Variants in CDH23 observed in about 807,000 individuals in gnomAD.
CDH23 encodes the protein cadherin related 23.
CDH23 carries 189 observed loss-of-function variants against 317.1 expected under a neutral mutation model. The ratio of observed to expected loss-of-function variants is 0.60; its 90% CI spans 0.53 to 0.67. The LOEUF is 0.67. Among genes scored for constraint, CDH23 ranks in the 30% least tolerant of loss-of-function variants. The probability of loss-of-function intolerance (pLI) is 0.00; values close to 1 mark genes in which losing one functional copy is unlikely to be tolerated. For missense variants in CDH23, 4,401 were observed against 4,592.4 expected (o/e 0.96, Z 1.20); for synonymous variants, 1,839 against 1,876.8 (o/e 0.98, Z 0.52).
At chr10:71,572,978 G>A (rs866833571) in intron 8 of CDH23, among the ~76,000 whole-genome samples, 1 of 152,186 alleles carries the variant, frequency 6.6e-6, no homozygotes, top group Non-Finnish European at 1.5e-5. Context: ...GGCAGCCAGA[G>A]GAGCTCAGAG....
rs543652148 is a variant in CDH23, at chr10:71,431,326, A to G, written c.-5-8501A>G. Among the ~76,000 whole-genome samples, 4 of 152,292 alleles carry G rather than the reference A, an allele frequency of 2.6e-5. No homozygotes were observed. In the South Asian group the frequency reaches 8.3e-4, roughly 32 times the overall value. On this transcript the variant is annotated intron_variant, in intron 1 of 69. Transcript: ENST00000224721. Reference sequence around the variant, plus strand: ...GCCCTGCCTTCCTGCCCCAGGCACCACTTCATGGAAGCTTCTGGGAGGGAT... The same window carrying G: ...GCCCTGCCTTCCTGCCCCAGGCACCGCTTCATGGAAGCTTCTGGGAGGGAT...
chr10:71,809,167 C>CTTTTTTTTTTTTTTTTTTTT (rs61078259), intron 60 of CDH23, among the ~76,000 whole-genome samples: 2 of 68,844 alleles, frequency 2.9e-5, no homozygotes, highest in Non-Finnish European at 5.0e-5. Context: ...TTTCTTTTTC[C>CTTTTTTTTTTTTTTTTTTTT]TTTTTTTTTT....
intron 20 of CDH23, among the ~76,000 whole-genome samples, chr10:71,691,125 C>G (rs998693360): frequency 2.6e-5 from 4 of 152,208 alleles, no homozygotes; most frequent in African/African-American, 9.7e-5. Context: ...CACCTGTGAG[C>G]CCCCTGCCCC....
Position 71,511,003 on chromosome 10 carries a change from T to G in CDH23, c.336+2T>G. 6.2e-7 allele frequency: 1 copy of G among 1,613,140 alleles called. No individual in the cohort carries two copies. The highest frequency in any genetic ancestry group is 8.5e-7 in the Non-Finnish European group (1 of 1,179,530). Reference sequence around the variant, plus strand: ...TTCTCTGTCAGCGACCACCAGGGGGTGAGTGTTCCCTGGGGCCCTGGAGGC... The same window carrying G: ...TTCTCTGTCAGCGACCACCAGGGGGGGAGTGTTCCCTGGGGCCCTGGAGGC... On this transcript the variant is annotated splice_donor_variant, in intron 5 of 69. Coordinates refer to ENST00000224721, the MANE Select transcript of CDH23 (RefSeq NM_022124.6). LOFTEE classifies it high-confidence loss of function.
intron 3 of CDH23, among the ~76,000 whole-genome samples, chr10:71,451,715 C>G (rs1184505277): frequency 6.6e-6 from 1 of 152,208 alleles, no homozygotes; most frequent in East Asian, 1.9e-4. Context: ...GCTGCTGTTA[C>G]TCAGTTGCTC....
At chr10:71,642,285 G>T (rs188660647) in intron 11 of CDH23, among the ~76,000 whole-genome samples, 50 of 151,820 alleles carry the variant, frequency 3.3e-4, no homozygotes, top group African/African-American at 1.2e-3. Flanking sequence ...CTGTGGACTC[G>T]TGCTGCCAAT....
At chr10:71,475,654 C>T (rs10999840) in intron 3 of CDH23, among the ~76,000 whole-genome samples, 7,727 of 152,272 alleles carry the variant, frequency 0.051, 213 homozygotes, top group Middle Eastern at 0.092. Flanking sequence ...GAGGGGTCCC[C>T]GTCCCCTGCT....
At chr10:71,625,396 TA>T (rs1156772192) in intron 11 of CDH23, among the ~76,000 whole-genome samples, 1,879 of 19,756 alleles carry the variant, frequency 0.095, 47 homozygotes, top group East Asian at 0.28. Flanking sequence ...CCAAATAAAT[TA>T]AAAAAAAAAA....
chr10:71,490,370 A>G (rs955368141), intron 3 of CDH23, among the ~76,000 whole-genome samples: 1 of 152,132 alleles, frequency 6.6e-6, no homozygotes, highest in Non-Finnish European at 1.5e-5. Flanking sequence ...ATTTTTTTCT[A>G]TTTATCTTAT....
intron 9 of CDH23, among the ~76,000 whole-genome samples, chr10:71,597,888 T>G (rs1054892852): frequency 1.3e-5 from 2 of 152,136 alleles, no homozygotes; most frequent in Non-Finnish European, 2.9e-5. Context: ...CTCTGTTGTA[T>G]CCATGATCCC....
intron 60 of CDH23, 45 bp downstream of exon 60, chr10:71,808,052 A>C: frequency 5.8e-6 from 9 of 1,555,108 alleles, no homozygotes; most frequent in Non-Finnish European, 7.8e-6. Flanking sequence ...ATGACCTCTC[A>C]GTCACTGCAT....
chr10:71,598,384 C>T (rs899163222), intron 9 of CDH23, among the ~76,000 whole-genome samples: 1 of 152,266 alleles, frequency 6.6e-6, no homozygotes, highest in Non-Finnish European at 1.5e-5. Flanking sequence ...GAGTCTCAAG[C>T]TTGCAAACAC....
At chr10:71,788,437 G>A (rs187220814) in intron 44 of CDH23, among the ~76,000 whole-genome samples, 34 of 152,134 alleles carry the variant, frequency 2.2e-4, no homozygotes, top group Non-Finnish European at 4.0e-4. Context: ...CTGATGATTA[G>A]CAACACTAAG....
At chr10:71,731,920 T>G in intron 31 of CDH23, 67 bp from the exon 32 acceptor site, 1 of 1,525,554 alleles carries the variant, frequency 6.6e-7, no homozygotes, top group Non-Finnish European at 8.9e-7. Context: ...TGTGGCAGCT[T>G]GAGAAGCCAC....
At chr10:71,680,752 AAAAAAAAAAAAG>A (rs1483665149) in intron 17 of CDH23, among the ~76,000 whole-genome samples, 1 of 144,890 alleles carries the variant, frequency 6.9e-6, no homozygotes, top group South Asian at 2.3e-4. Flanking sequence ...GTCTCAAAAA[AAAAAAAAAAAAG>A]AAAAAGAAAT....
intron 6 of CDH23, among the ~76,000 whole-genome samples, chr10:71,524,637 G>T (rs1854920594): frequency 6.6e-6 from 1 of 152,158 alleles, no homozygotes; most frequent in Non-Finnish European, 1.5e-5. Context: ...CATGGAAAAG[G>T]GGATTTTGCG....
intron 8 of CDH23, among the ~76,000 whole-genome samples, chr10:71,577,208 C>A (rs1858272571): frequency 6.6e-6 from 1 of 152,110 alleles, no homozygotes; most frequent in African/African-American, 2.4e-5. Context: ...GGCTGTGCTC[C>A]CCAAGAACGC....
At chr10:71,548,249 G>A (rs553949020) in intron 6 of CDH23, among the ~76,000 whole-genome samples, 4 of 152,204 alleles carry the variant, frequency 2.6e-5, no homozygotes, top group Non-Finnish European at 4.4e-5. Flanking sequence ...GTCATGCGGG[G>A]TGGAGACAGA....
At chr10:71,515,394 T>TCTCTCTCTCTCACA (rs1491490493) in intron 6 of CDH23, among the ~76,000 whole-genome samples, 23 of 26,696 alleles carry the variant, frequency 8.6e-4, no homozygotes, top group African/African-American at 1.9e-3. Context: ...TCTCTCTCTC[T>TCTCTCTCTCTCACA]CACACACACA....
Sources: allele counts gnomAD v4.1 joint callset (sites outside exome capture counted in the v4.1 genomes callset), GRCh38; gene constraint gnomAD v4.1.1; transcripts MANE v1.5; gene names NCBI Gene and HGNC (gene_info 2026-07-23, HGNC 2026-07-21).